Variants in FAT1 observed in about 807,000 individuals in gnomAD.
FAT1 encodes FAT atypical cadherin 1, also known as protocadherin Fat 1.
FAT1 carries 171 observed loss-of-function variants against 329.8 expected under a neutral mutation model. The ratio of observed to expected loss-of-function variants is 0.52; its 90% CI spans 0.46 to 0.59. The LOEUF is 0.59. FAT1 is among the 20% of genes least tolerant of loss of function. The pLI is 0.00. For missense variants in FAT1, 5,672 were observed against 5,774.4 expected, an observed-to-expected ratio of 0.98 and a Z score of 0.57; for synonymous variants, 2,233 against 2,228.6, an observed-to-expected ratio of 1.00 and a Z score of -0.06.
intron 3 of FAT1, among the ~76,000 whole-genome samples, chr4:186,644,438 A>G (rs1326613809): frequency 2.0e-5 from 3 of 152,228 alleles, no homozygotes; most frequent in Non-Finnish European, 2.9e-5. Context: ...CTTGGTCCAG[A>G]AAAACACTGC....
intron 2 of FAT1, among the ~76,000 whole-genome samples, chr4:186,674,089 T>C (rs1443390415): frequency 6.6e-6 from 1 of 152,240 alleles, no homozygotes; most frequent in Non-Finnish European, 1.5e-5. Flanking sequence ...AATTTCAGTG[T>C]TGATTACTCT....
intron 1 of FAT1, among the ~76,000 whole-genome samples, chr4:186,716,429 A>G (rs1745207131): frequency 6.6e-6 from 1 of 152,000 alleles, no homozygotes; most frequent in Non-Finnish European, 1.5e-5. Flanking sequence ...CTAAATTGCA[A>G]GCATCTTTCT....
chr4:186,705,523 G>C (rs1485293779), intron 2 of FAT1, among the ~76,000 whole-genome samples: 3 of 152,178 alleles, frequency 2.0e-5, no homozygotes, highest in Non-Finnish European at 4.4e-5. Context: ...ATCATTCTCA[G>C]AGGGCAGGAC....
intron 2 of FAT1, among the ~76,000 whole-genome samples, chr4:186,692,912 G>A (rs772850014): frequency 7.2e-5 from 11 of 152,106 alleles, no homozygotes; most frequent in South Asian, 2.1e-4. Context: ...CCATCTCTCC[G>A]CCTTTCACTT....
chr4:186,707,530 C>G lies in FAT1; in HGVS notation c.2298G>C (p.Met766Ile), dbSNP rs1412371377. Residue 766 changes from methionine to isoleucine, a missense_variant, in exon 2 of 27, where the codon ATG (methionine) becomes ATC (isoleucine). Met to Ile is a conservative substitution (Grantham distance 10). Coordinates refer to ENST00000441802, the MANE Select transcript of FAT1 (RefSeq NM_005245.4). ...VSGGNEDSCF[M>I]IDMETGMLKI... ...TCAGCATTCCTGTTTCCATATCAAT[C>G]ATGAAGCAACTATCCTCATTTCCTC... The G allele has an allele frequency of 3.1e-6, 5 of 1,614,004 alleles. No individual in the cohort carries two copies. Among genetic ancestry groups the G allele is most frequent in the Non-Finnish European group, 4.2e-6 (5 of 1,179,896 alleles).
chr4:186,692,315 A>ATT (rs1403014425), intron 2 of FAT1, among the ~76,000 whole-genome samples: 22 of 148,666 alleles, frequency 1.5e-4, no homozygotes, highest in African/African-American at 5.6e-4. Context: ...TTATTTATTT[A>ATT]TTTATTTATT....
rs2126525444 is a variant in FAT1 at position 186,621,456 on chromosome 4, A to G, written c.5130T>C (p.Phe1710=). 1 of 1,614,052 alleles carries G rather than the reference A, an allele frequency of 6.2e-7. No homozygotes were observed. The part of the protein sequence containing the change: ...EIKDGNTGDA[F]DINPHSGTII... ...TAGTTCCAGAATGTGGATTAATATC[A>G]AAAGCATCACCTGTATTTCCATCTT... The change falls in exon 10 of 27, where the codon TTT becomes TTC. Residue 1710 remains phenylalanine, a synonymous_variant. Coordinates refer to ENST00000441802, the MANE Select transcript of FAT1 (RefSeq NM_005245.4).
intron 9 of FAT1, among the ~76,000 whole-genome samples, chr4:186,626,345 T>C (rs375539384): frequency 3.5e-5 from 2 of 57,276 alleles, no homozygotes; most frequent in Non-Finnish European, 3.3e-5. Context: ...GCACATAAAG[T>C]GAGCTTCATC....
chr4:186,608,144 C>T (rs576516918), intron 16 of FAT1, among the ~76,000 whole-genome samples: 105 of 152,312 alleles, frequency 6.9e-4, no homozygotes, highest in Non-Finnish European at 7.2e-4. Flanking sequence ...GCTTTCTACA[C>T]GGAGCCATAT....
At position 186,620,012 on chromosome 4, in the gene FAT1, C is replaced by T. The variant is rs763545917; in HGVS notation, c.6574G>A (p.Ala2192Thr). The change falls in exon 10 of 27, where the codon GCA (alanine) becomes ACA (threonine). Residue 2192 changes from alanine to threonine, a missense_variant. By Grantham distance (58) the Ala-to-Thr change is moderately conservative. This residue lies in a region of FAT1 where 3,966 missense variants were observed against 3,915.2 expected (regional missense o/e 1.01). Coordinates refer to ENST00000441802, the MANE Select transcript of FAT1 (RefSeq NM_005245.4). ...FEKPFYSAEIAESIQVHSPVV... is the reference protein window; with the variant it reads ...FEKPFYSAEITESIQVHSPVV... ...GGGCTGTGCACCTGGATGCTCTCTG[C>T]AATCTCTGCACTGTAGAAAGGTTTT... The T allele has an allele frequency of 6.2e-7, 1 of 1,614,028 alleles. No individual in the cohort carries two copies.
chr4:186,645,378 T>C (rs1741308122), intron 3 of FAT1, among the ~76,000 whole-genome samples: 4 of 28,150 alleles, frequency 1.4e-4, no homozygotes, highest in Non-Finnish European at 1.3e-4. Context: ...TATATATATA[T>C]ATATATATAT....
chr4:186,713,133 C>T (rs769503466), intron 1 of FAT1, among the ~76,000 whole-genome samples: 1 of 147,856 alleles, frequency 6.8e-6, no homozygotes, highest in Admixed American at 6.6e-5. Flanking sequence ...AACTACAGTC[C>T]ATACTTCACT....
chr4:186,628,592 G>A lies in FAT1; in HGVS notation c.4495C>T (p.Pro1499Ser). The change falls in exon 8 of 27, where the codon CCA becomes TCA. Residue 1499 changes from proline (P) to serine (S), a missense_variant. Physicochemically the swap from Pro to Ser is moderately conservative, Grantham distance 74. Transcript: ENST00000441802. ...LIYTLQSSRDPLSLKKFRLDP... is the reference protein window; with the variant it reads ...LIYTLQSSRDSLSLKKFRLDP... ...AGACGAAATTTCTTGAGACTCAGTG[G>A]ATCTCTACTGCTCTGCAGAGTGTAG... is the stretch of plus-strand genomic sequence containing the variant. 1 of 1,613,944 alleles carries A rather than the reference G, an allele frequency of 6.2e-7. No individual in the cohort carries two copies. Among genetic ancestry groups the A allele is most frequent in the Non-Finnish European group, 8.5e-7 (1 of 1,179,884 alleles).
At chr4:186,592,893 C>T (rs1022738100) in intron 26 of FAT1, 1 of 380,968 alleles carries the variant, frequency 2.6e-6, no homozygotes. Flanking sequence ...CATAATGATG[C>T]GTGGTCTCCT....
At chr4:186,666,888 G>A (rs917864347) in intron 2 of FAT1, among the ~76,000 whole-genome samples, 2 of 152,190 alleles carry the variant, frequency 1.3e-5, no homozygotes, top group African/African-American at 4.8e-5. Flanking sequence ...GGCAGAGCTG[G>A]AGTGTGAATA....
intron 7 of FAT1, 72 bp downstream of exon 7, chr4:186,633,612 G>A (rs1740689500): frequency 1.9e-6 from 3 of 1,540,940 alleles, no homozygotes; most frequent in South Asian, 2.3e-5. Flanking sequence ...CGCTCATATT[G>A]CCCGTGGACC....
At chr4:186,714,785 TACTC>T (rs1274273757) in intron 1 of FAT1, among the ~76,000 whole-genome samples, 1 of 152,086 alleles carries the variant, frequency 6.6e-6, no homozygotes, top group Non-Finnish European at 1.5e-5. Context: ...ATAATATAAA[TACTC>T]ACTAATCCAG....
chr4:186,595,134 A>G (rs903223514), intron 26 of FAT1, among the ~76,000 whole-genome samples: 2 of 152,324 alleles, frequency 1.3e-5, no homozygotes, highest in East Asian at 1.9e-4. Context: ...AATATAATCA[A>G]ACTTACTAGC....
intron 3 of FAT1, among the ~76,000 whole-genome samples, chr4:186,655,150 T>C (rs1463185480): frequency 6.6e-6 from 1 of 152,152 alleles, no homozygotes; most frequent in Non-Finnish European, 1.5e-5. Context: ...CTAAAACCTT[T>C]TAAGATGCAA....
Sources: allele counts gnomAD v4.1 joint callset (sites outside exome capture counted in the v4.1 genomes callset), GRCh38; gene constraint gnomAD v4.1.1; regional missense constraint gnomAD v4.1.1; transcripts MANE v1.5; gene names NCBI Gene and HGNC (gene_info 2026-07-23, HGNC 2026-07-21).